PLA2G4C: variants seen among roughly 807,000 people sequenced by gnomAD.
PLA2G4C encodes the protein cytosolic phospholipase A2 gamma.
In PLA2G4C, 64 loss-of-function variants were observed where a neutral mutation model predicts 73.8. The ratio of observed to expected loss-of-function variants is 0.87; its 90% CI spans 0.71 to 1.07. The LOEUF is 1.07. Ranked by LOEUF, PLA2G4C falls within the 50% of genes least tolerant of loss-of-function variation. The pLI is 0.00. For synonymous variants in PLA2G4C, 254 were observed against 252.1 expected (o/e 1.01, Z -0.07); for missense variants, 622 against 665.4 (o/e 0.93, Z 0.72).
At chr19:48,053,360 TTTTC>T (rs1967798716) in intron 15 of PLA2G4C, among the ~76,000 whole-genome samples, 1 of 133,286 alleles carries the variant, frequency 7.5e-6, no homozygotes, top group South Asian at 2.5e-4. Context: ...TCCGGTCCTT[TTTTC>T]TTTTTTTTTT....
intron 4 of PLA2G4C, among the ~76,000 whole-genome samples, chr19:48,101,126 A>ATATATATATTT (rs1491313107): frequency 4.5e-4 from 33 of 74,126 alleles, no homozygotes; most frequent in African/African-American, 1.2e-3. Context: ...ATATATATAT[A>ATATATATATTT]TTTTTTTTTT....
intron 13 of PLA2G4C, among the ~76,000 whole-genome samples, chr19:48,066,241 C>T (rs1172184807): frequency 6.6e-6 from 1 of 152,056 alleles, no homozygotes. Context: ...CCCTGGCTGA[C>T]AGGAGAGGTC....
chr19:48,082,553 T>C (rs2030656396), intron 10 of PLA2G4C, among the ~76,000 whole-genome samples: 3 of 144,190 alleles, frequency 2.1e-5, no homozygotes, highest in South Asian at 2.3e-4. Context: ...GCCTGGAGTA[T>C]AGTGGTGCGA....
At chr19:48,090,165 T>C (rs1327576190) in intron 8 of PLA2G4C, 199 bp downstream of exon 8, 1 of 556,052 alleles carries the variant, frequency 1.8e-6, no homozygotes, top group Non-Finnish European at 3.2e-6. Context: ...AGAGCAACAT[T>C]CCTTCCAAGG....
At position 48,089,191 on chromosome 19, in the gene PLA2G4C, G is replaced by T. The variant is rs188914619; in HGVS notation, c.764-479C>A. ...GCCTGTAATCCTAGCACACTGGGAG[G>T]CTGAGGCAGTGAATCACTTGAGGTC... On this transcript the variant is annotated intron_variant, in intron 8 of 16. Transcript: ENST00000599921. 1.3e-3 allele frequency among the ~76,000 whole-genome samples: 194 copies of T among 152,236 alleles called. 1 individual carries two copies. Among genetic ancestry groups the T allele is most frequent in the Non-Finnish European group, 4.6e-4 (31 of 68,020 alleles).
chr19:48,104,375 C>G (rs1415712062), intron 4 of PLA2G4C: 3 of 481,028 alleles, frequency 6.2e-6, no homozygotes, highest in Non-Finnish European at 1.1e-5. Flanking sequence ...GAAGTGGGAG[C>G]AGTTTTTTGG....
chr19:48,053,343 T>C (rs996536387), intron 15 of PLA2G4C, among the ~76,000 whole-genome samples, 196 bp from the exon 16 acceptor site: 1 of 151,152 alleles, frequency 6.6e-6, no homozygotes, highest in Admixed American at 6.6e-5. Flanking sequence ...TTATGATCCA[T>C]GCCCCTTCCG....
chr19:48,072,290 TCCCAC>T lies in PLA2G4C; in HGVS notation c.1006+2472_1006+2476del, dbSNP rs1215200215. On this transcript the variant is annotated intron_variant, in intron 12 of 16. Coordinates refer to ENST00000599921, the MANE Select transcript of PLA2G4C (RefSeq NM_003706.3). The surrounding 1 kb of genome is among the most constrained non-coding windows in gnomAD (Gnocchi z 4.4). Reference sequence around the variant, plus strand: ...TCCAACTCCTGGGCTTAAGGAATCCTCCCACCTCAGCCTCCCCGAATAGCTGGGAC... The same window carrying T: ...TCCAACTCCTGGGCTTAAGGAATCCTCTCAGCCTCCCCGAATAGCTGGGAC... 6.6e-6 allele frequency: 1 copy of T among 152,218 alleles called. No homozygotes were observed. Among genetic ancestry groups the T allele is most frequent in the Non-Finnish European group, 1.5e-5 (1 of 68,114 alleles). 9.4% of individuals were successfully genotyped at this position (152,218 alleles called of 1,614,324 possible).
At chr19:48,080,700 T>C (rs1398861347) in intron 10 of PLA2G4C, among the ~76,000 whole-genome samples, 3 of 151,728 alleles carry the variant, frequency 2.0e-5, no homozygotes, top group Non-Finnish European at 4.4e-5. Flanking sequence ...TCCCAGCTAC[T>C]TGGGAGGCTG....
chr19:48,057,515 A>T (rs1392562586), intron 14 of PLA2G4C, among the ~76,000 whole-genome samples: 13 of 16,076 alleles, frequency 8.1e-4, no homozygotes, highest in Non-Finnish European at 2.1e-3. Context: ...TTTTTGACAG[A>T]GTCTCGCTCT....
chr19:48,100,352 A>C (rs1358029533), intron 4 of PLA2G4C, among the ~76,000 whole-genome samples: 1 of 151,990 alleles, frequency 6.6e-6, no homozygotes, highest in Non-Finnish European at 1.5e-5. Flanking sequence ...CCCCGTCTCC[A>C]CTAAAAATAC....
intron 14 of PLA2G4C, among the ~76,000 whole-genome samples, chr19:48,059,225 T>C (rs919831506): frequency 3.3e-5 from 5 of 150,394 alleles, no homozygotes; most frequent in Non-Finnish European, 5.9e-5. Context: ...GAGCCGAGAT[T>C]GTGCCACTGC....
At chr19:48,054,765 G>T in intron 15 of PLA2G4C, 113 bp downstream of exon 15, 1 of 1,030,722 alleles carries the variant, frequency 9.7e-7, no homozygotes, top group Non-Finnish European at 1.5e-6. Flanking sequence ...TGAACTGTGA[G>T]TCAATTAAAC....
chr19:48,055,726 C>T (rs1368002433), intron 14 of PLA2G4C, among the ~76,000 whole-genome samples: 2 of 152,006 alleles, frequency 1.3e-5, no homozygotes, highest in Non-Finnish European at 2.9e-5. Context: ...CTGCAACCTC[C>T]GCCTCCCTGG....
intron 9 of PLA2G4C, among the ~76,000 whole-genome samples, chr19:48,085,851 A>G (rs1056238000): frequency 6.6e-6 from 1 of 152,156 alleles, no homozygotes; most frequent in Non-Finnish European, 1.5e-5. Flanking sequence ...CCTTAACCCT[A>G]TTCAGTGCAG....
chr19:48,086,560 G>A lies in PLA2G4C; in HGVS notation c.791-1448C>T, dbSNP rs149342868. On this transcript the variant is annotated intron_variant, in intron 9 of 16. Transcript: ENST00000599921. ...CCCTGGTGGCTTTAATACAAAGGAC[G>A]GAAACTTTTGGGAACTCTGTGGCTC... 1.8e-4 allele frequency among the ~76,000 whole-genome samples: 28 copies of A among 152,210 alleles called. No individual in the cohort carries two copies. The East Asian group carries it at 3.3e-3, about 18-fold the overall frequency.
At chr19:48,063,607 C>T (rs963157264) in intron 13 of PLA2G4C, among the ~76,000 whole-genome samples, 3 of 138,680 alleles carry the variant, frequency 2.2e-5, no homozygotes, top group Non-Finnish European at 3.1e-5. Context: ...AACTCCTACC[C>T]CCCCACAACA....
intron 2 of PLA2G4C, among the ~76,000 whole-genome samples, chr19:48,106,059 C>T (rs1456855792): frequency 7.0e-6 from 1 of 143,676 alleles, no homozygotes; most frequent in Non-Finnish European, 1.5e-5. Context: ...TGCAGTGGCG[C>T]AATCTCAGTT....
chr19:48,098,881 G>A (rs60585851), intron 5 of PLA2G4C, among the ~76,000 whole-genome samples: 37,833 of 150,654 alleles, frequency 0.25, 5,063 homozygotes, highest in East Asian at 0.58. Flanking sequence ...CAGCCTGGAC[G>A]ACAGAGTGAA....
Sources: allele counts gnomAD v4.1 joint callset (sites outside exome capture counted in the v4.1 genomes callset), GRCh38; gene constraint gnomAD v4.1.1; non-coding constraint Gnocchi (gnomAD v3.1); transcripts MANE v1.5; gene names NCBI Gene and HGNC (gene_info 2026-07-23, HGNC 2026-07-21).